Variants in DPYSL5 observed in about 807,000 individuals in gnomAD.
The protein encoded by DPYSL5 is dihydropyrimidinase-related protein 5.
Under a neutral mutation model 58.4 loss-of-function variants are expected in DPYSL5, and 9 were observed. That is an observed-to-expected ratio of 0.15 (90% CI 0.09 to 0.27). The LOEUF is 0.27. Ranked by LOEUF, DPYSL5 falls within the 10% of genes least tolerant of loss-of-function variation. The probability of loss-of-function intolerance (pLI) is 1.00; values close to 1 mark genes in which losing one functional copy is unlikely to be tolerated. For missense variants in DPYSL5, 499 were observed against 770.6 expected, an observed-to-expected ratio of 0.65 and a Z score of 4.17; for synonymous variants, 293 against 301.9, an observed-to-expected ratio of 0.97 and a Z score of 0.31.
At chr2:26,868,972 G>GT (rs1663185179) in intron 1 of DPYSL5, among the ~76,000 whole-genome samples, 1 of 151,908 alleles carries the variant, frequency 6.6e-6, no homozygotes, top group African/African-American at 2.4e-5. Context: ...GCCTTTCTTG[G>GT]TTTGTTTTTT....
chr2:26,918,940 AG>A (rs1430133151), intron 2 of DPYSL5, among the ~76,000 whole-genome samples: 1 of 152,216 alleles, frequency 6.6e-6, no homozygotes, highest in Non-Finnish European at 1.5e-5. Flanking sequence ...TTGGCCTTGA[AG>A]CAAGAGAACC....
intron 6 of DPYSL5, among the ~76,000 whole-genome samples, chr2:26,932,585 C>T (rs1665061266): frequency 6.6e-6 from 1 of 152,230 alleles, no homozygotes; most frequent in African/African-American, 2.4e-5. Context: ...CAATTACTTC[C>T]TGGTGGAACT....
intron 2 of DPYSL5, among the ~76,000 whole-genome samples, chr2:26,916,514 C>A (rs1020228264): frequency 6.6e-6 from 1 of 152,232 alleles, no homozygotes; most frequent in Non-Finnish European, 1.5e-5. Context: ...AGTTGACAAA[C>A]TTTGCCGATG....
intron 2 of DPYSL5, among the ~76,000 whole-genome samples, chr2:26,917,101 C>T (rs897543459): frequency 5.3e-5 from 8 of 152,118 alleles, no homozygotes; most frequent in African/African-American, 1.9e-4. Context: ...AATGGAGAAA[C>T]GGAGCTCAAG....
At position 26,947,275 on chromosome 2, in the gene DPYSL5, C is replaced by A; in HGVS notation, c.*280C>A. 2.6e-6 allele frequency: 1 copy of A among 385,074 alleles called. No individual in the cohort carries two copies. Among genetic ancestry groups the A allele is most frequent in the Non-Finnish European group, 4.9e-6 (1 of 205,962 alleles). 23.9% of individuals were successfully genotyped at this position (385,074 alleles called of 1,614,324 possible). A position where few individuals can be genotyped will look rare whatever the true frequency, so the allele number is the denominator to read the frequency against. The stretch of plus-strand genomic sequence containing the variant: ...GGAAGCCCACACTATGCACAGAGCC[C>A]AATGCATAGAGCCCTGGCCAGCCCT... On this transcript the variant is annotated 3_prime_UTR_variant, in exon 13 of 13. Coordinates refer to ENST00000288699, the MANE Select transcript of DPYSL5 (RefSeq NM_020134.4). This position sits in a 1 kb window ranked among gnomAD's most constrained non-coding sequence, Gnocchi z 4.2.
rs761621627 is a variant in DPYSL5 at position 26,946,956 on chromosome 2, C to A, written c.1656C>A (p.Ile552=). ...DHVPKRASAR[I]LAPPGGRSSG... ...TTCCAAAGCGAGCTTCAGCTCGGAT[C>A]CTCGCTCCTCCCGGAGGCAGGTCGA... Residue 552 remains isoleucine, a synonymous_variant, in exon 13 of 13, where the codon ATC becomes ATA. Coordinates refer to ENST00000288699, the MANE Select transcript of DPYSL5 (RefSeq NM_020134.4). The A allele has an allele frequency of 6.2e-6, 10 of 1,613,996 alleles. No individual in the cohort carries two copies. In the African/African-American group the frequency reaches 1.3e-4, roughly 22 times the overall value.
chr2:26,906,515 C>T (rs1253389952), intron 2 of DPYSL5, among the ~76,000 whole-genome samples: 1 of 152,072 alleles, frequency 6.6e-6, no homozygotes, highest in African/African-American at 2.4e-5. Flanking sequence ...CTGATTAGCC[C>T]AGACCCACTG....
intron 1 of DPYSL5, among the ~76,000 whole-genome samples, chr2:26,858,751 TTC>T (rs1225701743): frequency 0.07 from 4,111 of 58,838 alleles, 187 homozygotes; most frequent in African/African-American, 0.2. Flanking sequence ...TTTTTTTTTT[TTC>T]CGTAGAGATA....
chr2:26,929,643 T>C (rs1322848200), intron 5 of DPYSL5, among the ~76,000 whole-genome samples: 1 of 152,226 alleles, frequency 6.6e-6, no homozygotes, highest in Non-Finnish European at 1.5e-5. Context: ...CGGTCCCTGG[T>C]GCCAAAATGG....
intron 1 of DPYSL5, among the ~76,000 whole-genome samples, chr2:26,878,136 A>G (rs1315334923): frequency 6.6e-6 from 1 of 152,264 alleles, no homozygotes; most frequent in African/African-American, 2.4e-5. Context: ...TGTTAACAAC[A>G]TATAAGAATG....
intron 1 of DPYSL5, among the ~76,000 whole-genome samples, chr2:26,854,480 C>CA (rs898629895): frequency 3.9e-5 from 6 of 152,110 alleles, no homozygotes; most frequent in Admixed American, 6.5e-5. Context: ...ACCACAACAA[C>CA]AAAAAAAGAA....
chr2:26,908,462 A>G (rs1398256628), intron 2 of DPYSL5, among the ~76,000 whole-genome samples: 1 of 152,216 alleles, frequency 6.6e-6, no homozygotes, highest in Non-Finnish European at 1.5e-5. Flanking sequence ...CTTGCTGGCA[A>G]CTTTCATTCT....
At chr2:26,864,494 C>G (rs546030930) in intron 1 of DPYSL5, among the ~76,000 whole-genome samples, 3 of 152,226 alleles carry the variant, frequency 2.0e-5, no homozygotes, top group Non-Finnish European at 4.4e-5. Flanking sequence ...TGCCACTAGC[C>G]AGGCACCATC....
chr2:26,922,248 G>A (rs1664723938), intron 2 of DPYSL5, among the ~76,000 whole-genome samples: 3 of 152,218 alleles, frequency 2.0e-5, no homozygotes, highest in Admixed American at 2.0e-4. Context: ...GCAGAAGGTG[G>A]ACAGAGCTTA....
rs1256662928 is a variant in DPYSL5, at chr2:26,948,269, AC to A, written c.*1277del. ...CAGGCCCACAGGACCTGGCTGTCGA[AC>A]CCGCATTGCTGCTCAGGTGCCGTGA... On this transcript the variant is annotated 3_prime_UTR_variant, in exon 13 of 13. Transcript: ENST00000288699. 11 of 152,322 alleles carry A rather than the reference AC, an allele frequency of 7.2e-5. No homozygotes were observed. The highest frequency in any genetic ancestry group is 2.7e-4 in the African/African-American group (11 of 41,452). 9.4% of individuals were successfully genotyped at this position (152,322 alleles called of 1,614,324 possible). A position where few individuals can be genotyped will look rare whatever the true frequency, so the allele number is the denominator to read the frequency against.
chr2:26,948,081 AC>A lies in DPYSL5; in HGVS notation c.*1087del. The A allele has an allele frequency of 6.6e-6, 1 of 151,888 alleles. No individual in the cohort carries two copies. The allele number at this position is 151,888 out of a possible 1,614,324, so 9.4% of individuals were successfully genotyped here. On this transcript the variant is annotated 3_prime_UTR_variant, in exon 13 of 13. Transcript: ENST00000288699. ...CCTGTCTTCACCTGCCACCACACAC[AC>A]ACACACACACACACACACACACACA...
In DPYSL5 at chr2:26,942,622, G is replaced by C; in HGVS notation, c.1312G>C (p.Val438Leu). 6.2e-7 allele frequency: 1 copy of C among 1,614,176 alleles called. No individual in the cohort carries two copies. The highest frequency in any genetic ancestry group is 8.5e-7 in the Non-Finnish European group (1 of 1,180,044). The change falls in exon 11 of 13, where the codon GTC becomes CTC. Residue 438 changes from valine (V) to leucine (L), a missense_variant. By Grantham distance (32) the Val-to-Leu change is conservative. This residue lies in a region of DPYSL5 where 404 missense variants were observed against 647.6 expected (regional missense o/e 0.62). Coordinates refer to ENST00000288699, the MANE Select transcript of DPYSL5 (RefSeq NM_020134.4). This position sits in a 1 kb window ranked among gnomAD's most constrained non-coding sequence, Gnocchi z 5.9. ...CATGCGCTGCCACGGCGTGCCACTG[G>C]TCACCATCAGCCGGGGGCGCGTCGT... Reference protein sequence around the residue: ...ENMRCHGVPLVTISRGRVVYE... With the variant: ...ENMRCHGVPLLTISRGRVVYE...
chr2:26,941,358 A>C (rs543459847), intron 9 of DPYSL5, among the ~76,000 whole-genome samples: 1 of 152,344 alleles, frequency 6.6e-6, no homozygotes, highest in Admixed American at 6.5e-5. Flanking sequence ...TGCTTTCAGA[A>C]AAGATAAGAA....
intron 1 of DPYSL5, among the ~76,000 whole-genome samples, chr2:26,895,216 C>G (rs1199431110): frequency 6.6e-6 from 1 of 152,182 alleles, no homozygotes; most frequent in Non-Finnish European, 1.5e-5. Context: ...TTTAGCTGTT[C>G]TAGTTCCTTT....
Sources: allele counts gnomAD v4.1 joint callset (sites outside exome capture counted in the v4.1 genomes callset), GRCh38; gene constraint gnomAD v4.1.1; regional missense constraint gnomAD v4.1.1; non-coding constraint Gnocchi (gnomAD v3.1); transcripts MANE v1.5; gene names NCBI Gene and HGNC (gene_info 2026-07-23, HGNC 2026-07-21).